The following EXOC4 variants were observed in gnomAD, a reference collection of about 807,000 sequenced individuals.
The protein encoded by EXOC4 is SEC8-like 1.
In EXOC4, 71 loss-of-function variants were observed where a neutral mutation model predicts 107.2. The ratio of observed to expected loss-of-function variants is 0.66; its 90% CI spans 0.55 to 0.81. EXOC4 has a LOEUF of 0.81. EXOC4 is among the 30% of genes least tolerant of loss of function. The pLI is 0.00. For synonymous variants in EXOC4, 456 were observed against 441.2 expected (o/e 1.03, Z -0.42); for missense variants, 1,108 against 1,189.6 (o/e 0.93, Z 1.01).
At chr7:134,080,700 TG>T in the EXOC4 span, among the ~76,000 whole-genome samples, 1 of 151,966 alleles carries the variant, frequency 6.6e-6, no homozygotes, top group Non-Finnish European at 1.5e-5. Context: ...CCCATTCTTT[TG>T]GGAGGCCGAG....
intron 10 of EXOC4, among the ~76,000 whole-genome samples, chr7:133,631,764 TTTTA>T (rs1480630588): frequency 6.6e-6 from 1 of 150,448 alleles, no homozygotes; most frequent in Admixed American, 6.6e-5. Context: ...CATTGATTAT[TTTTA>T]TTTGACTTTG....
At chr7:133,483,792 GA>G (rs1398055812) in intron 9 of EXOC4, among the ~76,000 whole-genome samples, 3 of 152,148 alleles carry the variant, frequency 2.0e-5, no homozygotes, top group Non-Finnish European at 2.9e-5. Flanking sequence ...CAGGAAAAAA[GA>G]GAAGAAAATC....
At chr7:133,819,504 CATGGATGGATGG>C (rs59990439) in intron 11 of EXOC4, among the ~76,000 whole-genome samples, 5 of 151,502 alleles carry the variant, frequency 3.3e-5, no homozygotes, top group African/African-American at 7.3e-5. Context: ...ATGCATGTTG[CATGGATGGATGG>C]ATGGATGGAT....
intron 11 of EXOC4, among the ~76,000 whole-genome samples, chr7:133,820,600 G>A (rs1248624700): frequency 6.6e-6 from 1 of 152,236 alleles, no homozygotes; most frequent in Non-Finnish European, 1.5e-5. Flanking sequence ...CGTGAAAGAT[G>A]CATGTGGGTT....
chr7:133,758,686 A>AT (rs1352337542), intron 10 of EXOC4, among the ~76,000 whole-genome samples: 1 of 151,204 alleles, frequency 6.6e-6, no homozygotes, highest in Non-Finnish European at 1.5e-5. Context: ...GATAAGTAAA[A>AT]TAGACACATG....
At chr7:133,669,798 G>A (rs1793906091) in intron 10 of EXOC4, among the ~76,000 whole-genome samples, 1 of 152,100 alleles carries the variant, frequency 6.6e-6, no homozygotes, top group South Asian at 2.1e-4. Context: ...CTCCTTGAAG[G>A]GCGTCAGGAG....
At chr7:133,635,761 C>A (rs558249903) in intron 10 of EXOC4, among the ~76,000 whole-genome samples, 1 of 152,210 alleles carries the variant, frequency 6.6e-6, no homozygotes, top group African/African-American at 2.4e-5. Context: ...ACAAGTACAC[C>A]CTGGCCCAAG....
chr7:133,564,233 C>T (rs1258505847), intron 9 of EXOC4, among the ~76,000 whole-genome samples: 2 of 152,124 alleles, frequency 1.3e-5, no homozygotes, highest in African/African-American at 4.8e-5. Flanking sequence ...AACCTTCAAT[C>T]ATGGCAGAAG....
At chr7:134,043,521 T>C (rs1182165289) in intron 17 of EXOC4, among the ~76,000 whole-genome samples, 1 of 152,190 alleles carries the variant, frequency 6.6e-6, no homozygotes, top group African/African-American at 2.4e-5. Context: ...GAAATGTTTG[T>C]CAGTAAAACA....
At chr7:133,404,869 G>A (rs1305342134) in intron 7 of EXOC4, among the ~76,000 whole-genome samples, 11 of 64,400 alleles carry the variant, frequency 1.7e-4, no homozygotes, top group Non-Finnish European at 3.1e-4. Flanking sequence ...TCCACCCCCT[G>A]CGCCCCCCCC....
At chr7:133,833,706 G>A (rs1353170654) in intron 11 of EXOC4, among the ~76,000 whole-genome samples, 2 of 152,166 alleles carry the variant, frequency 1.3e-5, no homozygotes, top group African/African-American at 2.4e-5. Context: ...GGGACCACAG[G>A]CATGTGCTAC....
intron 14 of EXOC4, among the ~76,000 whole-genome samples, chr7:133,977,972 T>C (rs1023229862): frequency 6.6e-6 from 1 of 152,220 alleles, no homozygotes; most frequent in Non-Finnish European, 1.5e-5. Flanking sequence ...AAAAGGTTTC[T>C]TTGTACATAG....
chr7:133,276,133 T>C (rs542287460), intron 2 of EXOC4, among the ~76,000 whole-genome samples: 161 of 152,108 alleles, frequency 1.1e-3, no homozygotes, highest in Non-Finnish European at 1.9e-3. Flanking sequence ...TCTCCCTGTC[T>C]CTCTCTTCTC....
At chr7:133,362,097 T>G (rs915206160) in intron 6 of EXOC4, among the ~76,000 whole-genome samples, 2 of 152,172 alleles carry the variant, frequency 1.3e-5, no homozygotes, top group African/African-American at 4.8e-5. Context: ...ATGATGTTTC[T>G]GGGCATGTAG....
At chr7:133,855,078 T>TCTAAATATATCTAAATATAA (rs1798324668) in intron 11 of EXOC4, among the ~76,000 whole-genome samples, 1 of 94,674 alleles carries the variant, frequency 1.1e-5, no homozygotes, top group Non-Finnish European at 1.9e-5. Flanking sequence ...TCTAAATATA[T>TCTAAATATATCTAAATATAA]CTAAATATAT....
chr7:133,601,140 G>C (rs576251068), intron 9 of EXOC4, among the ~76,000 whole-genome samples: 7 of 151,890 alleles, frequency 4.6e-5, no homozygotes, highest in African/African-American at 1.5e-4. Flanking sequence ...TATTCTTTTC[G>C]TAGACCTCTT....
intron 9 of EXOC4, among the ~76,000 whole-genome samples, chr7:133,593,004 C>G (rs898271375): frequency 6.6e-6 from 1 of 152,202 alleles, no homozygotes; most frequent in African/African-American, 2.4e-5. Context: ...ACCTTGGCCT[C>G]CCAACATCCT....
intron 13 of EXOC4, among the ~76,000 whole-genome samples, chr7:133,934,651 G>A (rs1205631213): frequency 6.6e-6 from 1 of 152,078 alleles, no homozygotes; most frequent in East Asian, 1.9e-4. Context: ...GCATAAAAAT[G>A]GCTCCAAGCC....
chr7:133,621,547 C>T (rs1225747495), intron 9 of EXOC4, among the ~76,000 whole-genome samples: 6 of 152,188 alleles, frequency 3.9e-5, no homozygotes. Context: ...ACGTGACATG[C>T]TGTTCTTTTT....
Sources: allele counts gnomAD v4.1 joint callset (sites outside exome capture counted in the v4.1 genomes callset), GRCh38; gene constraint gnomAD v4.1.1; transcripts MANE v1.5; gene names NCBI Gene and HGNC (gene_info 2026-07-23, HGNC 2026-07-21).